The following SLIT3 variants were observed in gnomAD, a reference collection of about 807,000 sequenced individuals.
The protein encoded by SLIT3 is slit homolog 3 protein.
Under a neutral mutation model 184.0 loss-of-function variants are expected in SLIT3, and 68 were observed. The ratio of observed to expected loss-of-function variants is 0.37; its 90% confidence interval spans 0.30 to 0.45. The LOEUF (loss-of-function observed/expected upper bound fraction) is 0.45. Ranked by LOEUF, SLIT3 falls within the 20% of genes least tolerant of loss-of-function variation. SLIT3 has a pLI of 1.00. For missense variants in SLIT3, 1,707 were observed against 2,026.0 expected (o/e 0.84, Z 3.02); for synonymous variants, 831 against 828.6 (o/e 1.00, Z -0.05).
intron 4 of SLIT3, among the ~76,000 whole-genome samples, chr5:168,890,012 G>T (rs867584635): frequency 1.7e-4 from 26 of 151,842 alleles, no homozygotes; most frequent in African/African-American, 6.3e-4. Context: ...GCGTGGTGGT[G>T]GGCACCTGTA....
At chr5:169,006,561 C>A (rs1254828666) in intron 4 of SLIT3, among the ~76,000 whole-genome samples, 2 of 150,428 alleles carry the variant, frequency 1.3e-5, no homozygotes, top group African/African-American at 2.5e-5. Flanking sequence ...TAAAGATTTT[C>A]TCTCTCTTTC....
chr5:168,846,160 A>G (rs2113717503), intron 5 of SLIT3, among the ~76,000 whole-genome samples: 1 of 152,366 alleles, frequency 6.6e-6, no homozygotes, highest in Admixed American at 6.5e-5. Context: ...AGACTCTGTC[A>G]CGATATTATG....
intron 27 of SLIT3, among the ~76,000 whole-genome samples, chr5:168,699,878 C>T (rs931050715): frequency 6.6e-6 from 1 of 152,160 alleles, no homozygotes; most frequent in African/African-American, 2.4e-5. Flanking sequence ...GGTGGAAGTG[C>T]CAGACGGGCA....
rs1440670128 is a variant in SLIT3 at position 169,142,068 on chromosome 5, AAAATAAAAATAAAAAT to A, written c.413+51395_413+51410del. Among the ~76,000 whole-genome samples, 79 of 90,530 alleles carry A rather than the reference AAAATAAAAATAAAAAT, an allele frequency of 8.7e-4. 2 individuals are homozygous for A. The highest frequency in any genetic ancestry group is 6.0e-3 in the African/African-American group (76 of 12,620). The allele number at this position is 90,530 out of a possible 152,430, so 59.4% of individuals were successfully genotyped here. ...CCTACTCAAAAAAAAAATAAAAATA[AAAATAAAAATAAAAAT>A]AAATAAATAAATAAATAAATAAATA... On this transcript the variant is annotated intron_variant, in intron 4 of 35. Coordinates refer to ENST00000519560, the MANE Select transcript of SLIT3 (RefSeq NM_003062.4).
chr5:168,748,345 G>A lies in SLIT3; in HGVS notation c.2227C>T (p.Leu743Phe). The A allele has an allele frequency of 6.7e-7, 1 of 1,496,298 alleles. No individual in the cohort carries two copies. 92.7% of individuals were successfully genotyped at this position (1,496,298 alleles called of 1,614,324 possible). ...GGCATGCCTCTGGGGAGGGCGCGGAGCCCCTTGTTGCTGCATCGCACCACT... is the reference window on the plus strand; with the variant it reads ...GGCATGCCTCTGGGGAGGGCGCGGAACCCCTTGTTGCTGCATCGCACCACT... ...ETVVRCSNKG[L>F]RALPRGMPKD... The change falls in exon 20 of 36, where the codon CTC (leucine) becomes TTC (phenylalanine). Residue 743 changes from leucine (L) to phenylalanine (F), a missense_variant. Physicochemically the swap from Leu to Phe is conservative, Grantham distance 22 (BLOSUM62 0). Transcript: ENST00000519560.
intron 4 of SLIT3, among the ~76,000 whole-genome samples, chr5:169,116,793 C>A (rs1341160536): frequency 6.6e-6 from 1 of 152,224 alleles, no homozygotes; most frequent in African/African-American, 2.4e-5. Flanking sequence ...GGGGAAAAGT[C>A]CTCAAGCATG....
intron 4 of SLIT3, among the ~76,000 whole-genome samples, chr5:169,180,621 T>A (rs11951817): frequency 0.012 from 1,773 of 152,288 alleles, 41 homozygotes; most frequent in African/African-American, 0.04. Context: ...CTACCCAATA[T>A]GCACATCACT....
At chr5:169,258,546 T>C (rs930478138) in intron 1 of SLIT3, among the ~76,000 whole-genome samples, 2 of 152,218 alleles carry the variant, frequency 1.3e-5, no homozygotes, top group East Asian at 1.9e-4. Context: ...GCATCTGCCA[T>C]GTTGCCTCTA....
rs376639943 is a variant in SLIT3 at position 168,671,266 on chromosome 5, G to A, written c.4059C>T (p.Cys1353=). ...CRSVEKDSVV[C]ECRPGWTGPL... ...GGCCGGTCCAGCCTGGGCGGCACTC[G>A]CACACCACGCTGTCCTTCTCCACGG... The change falls in exon 34 of 36, where the codon TGC becomes TGT. Residue 1353 remains cysteine (C), a synonymous_variant. Transcript: ENST00000519560. 9.2e-5 allele frequency: 149 copies of A among 1,613,438 alleles called. No homozygotes were observed. Among genetic ancestry groups the A allele is most frequent in the East Asian group, 2.9e-4 (13 of 44,892 alleles).
chr5:168,905,228 G>A (rs1366037354), intron 4 of SLIT3, among the ~76,000 whole-genome samples: 1 of 152,010 alleles, frequency 6.6e-6, no homozygotes, highest in Non-Finnish European at 1.5e-5. Flanking sequence ...CAACAGAGGT[G>A]CACCCATGAA....
At chr5:169,210,573 A>G (rs1764230198) in intron 3 of SLIT3, among the ~76,000 whole-genome samples, 1 of 152,214 alleles carries the variant, frequency 6.6e-6, no homozygotes, top group South Asian at 2.1e-4. Flanking sequence ...TGGCATGAAG[A>G]AAGTCAGTTA....
At chr5:168,748,931 C>A (rs2113459951) in intron 19 of SLIT3, among the ~76,000 whole-genome samples, 1 of 152,254 alleles carries the variant, frequency 6.6e-6, no homozygotes, top group East Asian at 1.9e-4. Context: ...TAAATATGCC[C>A]TCTGGGATCC....
At chr5:169,259,279 G>A (rs950552985) in intron 1 of SLIT3, among the ~76,000 whole-genome samples, 5 of 152,054 alleles carry the variant, frequency 3.3e-5, no homozygotes, top group African/African-American at 4.8e-5. Context: ...GGCTGGTCTC[G>A]AACTCCTGAC....
At chr5:168,992,676 C>A (rs1325622831) in intron 4 of SLIT3, among the ~76,000 whole-genome samples, 1 of 152,066 alleles carries the variant, frequency 6.6e-6, no homozygotes, top group Non-Finnish European at 1.5e-5. Flanking sequence ...TTTCCAGCGG[C>A]CATCTGTCCC....
At chr5:169,227,080 A>G (rs77850288) in intron 3 of SLIT3, among the ~76,000 whole-genome samples, 3,706 of 152,252 alleles carry the variant, frequency 0.024, 117 homozygotes, top group South Asian at 0.11. Context: ...CAGGTCTACA[A>G]GATAATGGAT....
chr5:169,227,129 C>T (rs1224384529), intron 3 of SLIT3, among the ~76,000 whole-genome samples: 1 of 152,116 alleles, frequency 6.6e-6, no homozygotes, highest in Non-Finnish European at 1.5e-5. Context: ...GACAGGGCCA[C>T]CCCTAGTGGG....
chr5:168,732,601 C>T (rs546603236), intron 20 of SLIT3, among the ~76,000 whole-genome samples: 86 of 152,148 alleles, frequency 5.7e-4, no homozygotes, highest in South Asian at 3.5e-3. Flanking sequence ...CAAAACAGCA[C>T]AGTACTGGTA....
chr5:168,742,156 G>A (rs1436331449), intron 20 of SLIT3, among the ~76,000 whole-genome samples: 1 of 120,292 alleles, frequency 8.3e-6, no homozygotes, highest in Non-Finnish European at 1.7e-5. Flanking sequence ...AGGTGTGGCT[G>A]CAATGTGGCT....
At chr5:168,972,996 TGA>T (rs1295284269) in intron 4 of SLIT3, among the ~76,000 whole-genome samples, 2 of 152,210 alleles carry the variant, frequency 1.3e-5, no homozygotes, top group Non-Finnish European at 2.9e-5. Context: ...AGCAAAATGC[TGA>T]GAGTAGCTGG....
Sources: allele counts gnomAD v4.1 joint callset (sites outside exome capture counted in the v4.1 genomes callset), GRCh38; gene constraint gnomAD v4.1.1; transcripts MANE v1.5; gene names NCBI Gene and HGNC (gene_info 2026-07-23, HGNC 2026-07-21).